Variants in GSK3B observed in about 807,000 individuals in gnomAD.
GSK3B encodes the protein glycogen synthase kinase-3 beta.
GSK3B carries 15 observed loss-of-function variants against 56.4 expected under a neutral mutation model. That is an observed-to-expected ratio of 0.27 (90% CI 0.18 to 0.41). The LOEUF (loss-of-function observed/expected upper bound fraction) is 0.41, where lower values mean the gene tolerates loss of function less well. GSK3B is among the 10% of genes least tolerant of loss of function. The pLI, the probability that GSK3B is intolerant of heterozygous loss-of-function variation, is 1.00. For missense variants in GSK3B, 300 were observed against 513.4 expected, an observed-to-expected ratio of 0.58 and a Z score of 4.02; for synonymous variants, 181 against 188.9, an observed-to-expected ratio of 0.96 and a Z score of 0.34.
chr3:120,036,792 CAAAAAAA>C (rs560163237), intron 1 of GSK3B, among the ~76,000 whole-genome samples: 1 of 64,336 alleles, frequency 1.6e-5, no homozygotes, highest in Non-Finnish European at 3.1e-5. Context: ...GACTCCGACT[CAAAAAAA>C]AAAAAAAAAA....
chr3:120,038,122 A>G (rs143673643), intron 1 of GSK3B, among the ~76,000 whole-genome samples: 38 of 152,326 alleles, frequency 2.5e-4, no homozygotes, highest in Admixed American at 8.5e-4. Flanking sequence ...TAAATAGCAA[A>G]TTCGGAATTT....
intron 2 of GSK3B, among the ~76,000 whole-genome samples, chr3:119,969,565 G>A (rs142701598): frequency 2.6e-3 from 402 of 152,232 alleles, no homozygotes; most frequent in African/African-American, 8.5e-3. Context: ...ACAGTCAGCC[G>A]AATGACAGTA....
At chr3:119,833,759 A>C (rs2055643514) in intron 10 of GSK3B, among the ~76,000 whole-genome samples, 1 of 144,738 alleles carries the variant, frequency 6.9e-6, no homozygotes, top group African/African-American at 2.6e-5. Context: ...GCAGTGGCGC[A>C]ATCTCAGCTC....
At chr3:120,074,498 C>T (rs1256609827) in intron 1 of GSK3B, among the ~76,000 whole-genome samples, 3 of 151,610 alleles carry the variant, frequency 2.0e-5, no homozygotes, top group South Asian at 2.1e-4. Flanking sequence ...ATTACAGGTG[C>T]GCACCACCAC....
intron 2 of GSK3B, among the ~76,000 whole-genome samples, chr3:119,975,673 T>TAAA (rs1167852913): frequency 6.6e-6 from 1 of 152,186 alleles, no homozygotes; most frequent in African/African-American, 2.4e-5. Context: ...TATGATACTC[T>TAAA]AATAGTAGAT....
rs1272241069 is a variant in GSK3B, at chr3:119,825,096, C to A, written c.*1692G>T. On this transcript the variant is annotated 3_prime_UTR_variant, in exon 11 of 11. Coordinates refer to ENST00000264235, the MANE Select transcript of GSK3B (RefSeq NM_001146156.2). ...CCTTGGAAGGCATGTGGGGAAGGAG[C>A]GGGTAGGAGGGAAAGGCGGCCATCA... 6 of 200,092 alleles carry A rather than the reference C, an allele frequency of 3.0e-5. No individual in the cohort carries two copies. Among genetic ancestry groups the A allele is most frequent in the South Asian group, 1.9e-4 (1 of 5,228 alleles). 12.4% of individuals were successfully genotyped at this position (200,092 alleles called of 1,614,324 possible). A position where few individuals can be genotyped will look rare whatever the true frequency, so the allele number is the denominator to read the frequency against.
At chr3:119,969,425 A>C (rs996075781) in intron 2 of GSK3B, among the ~76,000 whole-genome samples, 1 of 152,242 alleles carries the variant, frequency 6.6e-6, no homozygotes, top group Non-Finnish European at 1.5e-5. Context: ...AGTTCTTCCC[A>C]ACTTGATCTG....
chr3:119,849,508 G>A (rs2108017864), intron 9 of GSK3B, among the ~76,000 whole-genome samples: 1 of 152,300 alleles, frequency 6.6e-6, no homozygotes, highest in East Asian at 1.9e-4. Context: ...AAAATAAACT[G>A]AGTATCAGTG....
chr3:119,863,638 T>C, intron 8 of GSK3B, 33 bp from the exon 9 acceptor site: 2 of 1,381,830 alleles, frequency 1.4e-6, no homozygotes, highest in South Asian at 1.2e-5. Context: ...GAACAATTAA[T>C]GTTTTATTTT....
chr3:119,892,222 CTGCAAT>C (rs970573038), intron 7 of GSK3B, among the ~76,000 whole-genome samples: 27 of 152,136 alleles, frequency 1.8e-4, no homozygotes, highest in African/African-American at 6.5e-4. Context: ...GCTTAAAATC[CTGCAAT>C]TGCTTCCAAC....
intron 1 of GSK3B, among the ~76,000 whole-genome samples, chr3:120,073,700 C>T (rs569111080): frequency 2.6e-5 from 4 of 152,298 alleles, no homozygotes; most frequent in African/African-American, 9.6e-5. Context: ...AAAGGCCATA[C>T]AGTGGAGCAA....
chr3:119,836,160 G>A (rs1005077423), intron 10 of GSK3B, among the ~76,000 whole-genome samples: 1 of 152,164 alleles, frequency 6.6e-6, no homozygotes, highest in Admixed American at 6.5e-5. Context: ...GAACAAATAG[G>A]TATGATTTTG....
intron 1 of GSK3B, among the ~76,000 whole-genome samples, chr3:120,030,726 A>C (rs1330548600): frequency 6.6e-6 from 1 of 152,176 alleles, no homozygotes; most frequent in Non-Finnish European, 1.5e-5. Flanking sequence ...CTCTAGGACA[A>C]TCCAATCTAA....
chr3:119,902,070 A>C (rs1415579258), intron 7 of GSK3B, among the ~76,000 whole-genome samples: 1 of 152,134 alleles, frequency 6.6e-6, no homozygotes, highest in African/African-American at 2.4e-5. Flanking sequence ...ACCTTAAAAA[A>C]CGTGAGAACT....
intron 1 of GSK3B, among the ~76,000 whole-genome samples, chr3:120,035,870 A>T (rs1312026886): frequency 1.3e-5 from 2 of 152,200 alleles, no homozygotes; most frequent in Admixed American, 1.3e-4. Context: ...TATTAACTCT[A>T]ATAGATTTTT....
rs192543554 is a variant in GSK3B, at chr3:119,873,105, C to T, written c.909+3308G>A. Among the ~76,000 whole-genome samples, 221 of 152,236 alleles carry T rather than the reference C, an allele frequency of 1.5e-3. 3 individuals carry two copies. The highest frequency in any genetic ancestry group is 3.8e-4 in the Non-Finnish European group (26 of 68,008). ...ATATTAGCACCTATTTCCTTTCCTA[C>T]TAAAGCCACAAGTGCTTTATTAATG... On this transcript the variant is annotated intron_variant, in intron 8 of 10. Coordinates refer to ENST00000264235, the MANE Select transcript of GSK3B (RefSeq NM_001146156.2).
chr3:120,069,635 G>T (rs2058309989), intron 1 of GSK3B, among the ~76,000 whole-genome samples: 2 of 148,602 alleles, frequency 1.3e-5, no homozygotes, highest in Admixed American at 6.7e-5. Context: ...GACTGCCAGT[G>T]CATACAGACT....
intron 1 of GSK3B, among the ~76,000 whole-genome samples, chr3:120,035,301 C>T (rs569656216): frequency 1.3e-5 from 2 of 152,216 alleles, no homozygotes; most frequent in South Asian, 2.1e-4. Context: ...AAGCAGCAAG[C>T]GGGGATAATT....
chr3:119,954,309 GA>G (rs1225426870), intron 2 of GSK3B, among the ~76,000 whole-genome samples: 182 of 135,934 alleles, frequency 1.3e-3, no homozygotes, highest in African/African-American at 4.3e-3. Context: ...GAATAGAAAA[GA>G]AACAGAACAG....
Sources: allele counts gnomAD v4.1 joint callset (sites outside exome capture counted in the v4.1 genomes callset), GRCh38; gene constraint gnomAD v4.1.1; transcripts MANE v1.5; gene names NCBI Gene and HGNC (gene_info 2026-07-23, HGNC 2026-07-21).